Variants in MBP observed in about 807,000 individuals in gnomAD.
MBP encodes the protein myelin basic protein.
Under a neutral mutation model 35.8 loss-of-function variants are expected in MBP, and 16 were observed. The ratio of observed to expected loss-of-function variants is 0.45; its 90% CI spans 0.30 to 0.68. The LOEUF (loss-of-function observed/expected upper bound fraction) is 0.68. Ranked by LOEUF, MBP falls within the 30% of genes least tolerant of loss-of-function variation. The pLI is 0.08. For missense variants in MBP, 380 were observed against 404.7 expected (o/e 0.94, Z 0.52); for synonymous variants, 143 against 159.6 (o/e 0.90, Z 0.78).
At chr18:76,996,818 A>T (rs8099667) in intron 4 of MBP, among the ~76,000 whole-genome samples, 12,991 of 152,216 alleles carry the variant, frequency 0.085, 725 homozygotes, top group East Asian at 0.28. Flanking sequence ...ATCACAACTC[A>T]TAGAAGTGTA....
intron 4 of MBP, chr18:77,014,323 G>C (rs2123442973): frequency 1.0e-6 from 1 of 985,520 alleles, no homozygotes; most frequent in South Asian, 4.7e-5. Flanking sequence ...ACAGGAGGGT[G>C]GGAGGAGGAC....
Position 77,131,091 on chromosome 18 carries a change from A to G in MBP, c.-26+1489T>C, listed in dbSNP as rs899897662. Among the ~76,000 whole-genome samples, 98 of 54,544 alleles carry G rather than the reference A, an allele frequency of 1.8e-3. No individual in the cohort carries two copies. Among genetic ancestry groups the G allele is most frequent in the South Asian group, 0.013 (12 of 944 alleles). 35.8% of individuals were successfully genotyped at this position (54,544 alleles called of 152,430 possible). The stretch of plus-strand genomic sequence containing the variant: ...CACACGCGCGCACGCACGCGCACAC[A>G]CACACACACACACACACACACACAC... On this transcript the variant is annotated intron_variant, in intron 1 of 8. Transcript: ENST00000355994. The surrounding 1 kb of genome is among the most constrained non-coding windows in gnomAD (Gnocchi z 5.5).
intron 2 of MBP, among the ~76,000 whole-genome samples, chr18:77,076,800 G>A (rs970591178): frequency 6.6e-6 from 1 of 152,074 alleles, no homozygotes; most frequent in African/African-American, 2.4e-5. Flanking sequence ...AAGTAGGCAC[G>A]AAAACCACCA....
chr18:77,127,863 A>T (rs918469422), intron 1 of MBP: 1 of 137,468 alleles, frequency 7.3e-6, no homozygotes, highest in African/African-American at 2.7e-5. Flanking sequence ...TAAAATAATA[A>T]AAAAAAAAAA....
intron 4 of MBP, chr18:77,013,299 C>T (rs1971450895): frequency 2.0e-6 from 2 of 985,210 alleles, no homozygotes; most frequent in African/African-American, 3.5e-5. Context: ...GTTCTGTGTG[C>T]ACACTGGGCT....
At chr18:76,986,892 A>G (rs1969588002) in intron 7 of MBP, 1 of 985,414 alleles carries the variant, frequency 1.0e-6, no homozygotes. Context: ...ATCTTTGGGG[A>G]ACCTAGAATG....
chr18:77,052,882 AG>A (rs1312500371), intron 3 of MBP, among the ~76,000 whole-genome samples: 3 of 152,080 alleles, frequency 2.0e-5, no homozygotes, highest in African/African-American at 7.2e-5. Context: ...GGTGGACTTC[AG>A]GGGCGCTGTC....
In MBP at chr18:77,052,025, C is replaced by T. The variant is rs568043707; in HGVS notation, c.139+14273G>A. 2.9e-3 allele frequency among the ~76,000 whole-genome samples: 436 copies of T among 152,246 alleles called. 6 individuals carry two copies. The highest frequency in any genetic ancestry group is 5.8e-3 in the South Asian group (28 of 4,818). On this transcript the variant is annotated intron_variant, in intron 3 of 8. Coordinates refer to ENST00000355994, the MANE Select transcript of MBP (RefSeq NM_001025101.2). ...TCTTAAAAAAAGGTTATGGTGAAGC[C>T]GTGCGGCAGCACTGGAAGAGGATGA...
intron 1 of MBP, among the ~76,000 whole-genome samples, chr18:77,132,309 T>C (rs1427081277): frequency 6.6e-6 from 1 of 152,020 alleles, no homozygotes; most frequent in Non-Finnish European, 1.5e-5. Flanking sequence ...GCAATGGGGA[T>C]CGGGGGCGGC....
At chr18:77,128,508 G>A (rs1249143611) in intron 1 of MBP, among the ~76,000 whole-genome samples, 2 of 139,750 alleles carry the variant, frequency 1.4e-5, no homozygotes, top group Non-Finnish European at 3.0e-5. Flanking sequence ...AGAGAACTAA[G>A]CGCACGTGCA....
intron 3 of MBP, among the ~76,000 whole-genome samples, chr18:77,040,651 C>G (rs1464231609): frequency 8.5e-5 from 13 of 152,214 alleles, no homozygotes; most frequent in African/African-American, 2.2e-4. Flanking sequence ...TCTGATCTTT[C>G]ACAAACCTGA....
chr18:77,077,729 C>A lies in MBP; in HGVS notation c.52-11344G>T, dbSNP rs1219290680. ...TCCTGGTCTACACTCTCACAGGTGA[C>A]TCTCAGCACAGTTAGGACTCGGAAC... is the stretch of plus-strand genomic sequence containing the variant. On this transcript the variant is annotated intron_variant, in intron 2 of 8. Coordinates refer to ENST00000355994, the MANE Select transcript of MBP (RefSeq NM_001025101.2). Among the ~76,000 whole-genome samples, 4 of 152,226 alleles carry A rather than the reference C, an allele frequency of 2.6e-5. No individual in the cohort carries two copies. In the East Asian group the frequency reaches 7.7e-4, roughly 29 times the overall value.
At chr18:76,991,052 G>C (rs544330689) in intron 4 of MBP, 1 of 172,692 alleles carries the variant, frequency 5.8e-6, no homozygotes, top group African/African-American at 2.4e-5. Context: ...ACAGGAAAAT[G>C]CTCGGGAAAT....
At position 76,989,028 on chromosome 18, in the gene MBP, G is replaced by A; in HGVS notation, c.682-116C>T. On this transcript the variant is annotated intron_variant, in intron 5 of 8. Transcript: ENST00000355994. This position sits in a 1 kb window ranked among gnomAD's most constrained non-coding sequence, Gnocchi z 4.0. ...CATCCATCAGCTGCCAGAAGCACCC[G>A]GGTGCCCAGCCTCCCCACTTCTGTC... 1 of 928,396 alleles carries A rather than the reference G, an allele frequency of 1.1e-6. No individual in the cohort carries two copies. Among genetic ancestry groups the A allele is most frequent in the Non-Finnish European group, 1.8e-6 (1 of 554,920 alleles). The allele number at this position is 928,396 out of a possible 1,614,324, so 57.5% of individuals were successfully genotyped here.
At position 77,081,785 on chromosome 18, in the gene MBP, C is replaced by CGT. The variant is rs1259318489; in HGVS notation, c.52-15401_52-15400insAC. Among the ~76,000 whole-genome samples, 441 of 148,016 alleles carry CGT rather than the reference C, an allele frequency of 3.0e-3. 4 individuals carry two copies. The highest frequency in any genetic ancestry group is 4.4e-3 in the Non-Finnish European group (297 of 66,838). On this transcript the variant is annotated intron_variant, in intron 2 of 8. Coordinates refer to ENST00000355994, the MANE Select transcript of MBP (RefSeq NM_001025101.2). ...ATATATATACACACACACACACACA[C>CGT]ACACACACGTATATATATATGCACA...
intron 2 of MBP, among the ~76,000 whole-genome samples, chr18:77,077,079 G>A (rs1483393196): frequency 6.6e-6 from 1 of 152,110 alleles, no homozygotes; most frequent in Non-Finnish European, 1.5e-5. Flanking sequence ...AAATAAAACA[G>A]GCCAGGTGTG....
Position 77,044,105 on chromosome 18 carries a change from C to T in MBP, c.139+22193G>A, listed in dbSNP as rs557108033. On this transcript the variant is annotated intron_variant, in intron 3 of 8. Transcript: ENST00000355994. The surrounding 1 kb of genome is among the most constrained non-coding windows in gnomAD (Gnocchi z 4.4). ...AGTTCCTCCTGCTGACCACCTCCCC[C>T]GATGCCCTCCACGCTGCACACTGGG... 3.9e-5 allele frequency among the ~76,000 whole-genome samples: 6 copies of T among 152,254 alleles called. No individual in the cohort carries two copies. The highest frequency in any genetic ancestry group is 4.1e-4 in the South Asian group (2 of 4,824).
In MBP at chr18:77,044,687, G is replaced by A. The variant is rs780468603; in HGVS notation, c.139+21611C>T. 6.6e-6 allele frequency among the ~76,000 whole-genome samples: 1 copy of A among 152,192 alleles called. No individual in the cohort carries two copies. The highest frequency in any genetic ancestry group is 1.5e-5 in the Non-Finnish European group (1 of 68,042). ...GAGGGGCCCCGGAATCACCTGCCAC[G>A]TGAATAAACAAAGTCAGATCTGAAA... On this transcript the variant is annotated intron_variant, in intron 3 of 8. Coordinates refer to ENST00000355994, the MANE Select transcript of MBP (RefSeq NM_001025101.2). The surrounding 1 kb of genome is among the most constrained non-coding windows in gnomAD (Gnocchi z 4.4).
chr18:77,031,741 G>T (rs185255147), intron 3 of MBP, among the ~76,000 whole-genome samples: 2 of 152,370 alleles, frequency 1.3e-5, no homozygotes, highest in East Asian at 3.9e-4. Context: ...GGCATTGCCC[G>T]TGCAGCTCTG....
Sources: allele counts gnomAD v4.1 joint callset (sites outside exome capture counted in the v4.1 genomes callset), GRCh38; gene constraint gnomAD v4.1.1; non-coding constraint Gnocchi (gnomAD v3.1); transcripts MANE v1.5; gene names NCBI Gene and HGNC (gene_info 2026-07-23, HGNC 2026-07-21).